GFPT1: variants seen among roughly 807,000 people sequenced by gnomAD.
The protein encoded by GFPT1 is glutamine--fructose-6-phosphate transaminase 1.
GFPT1 carries 40 observed loss-of-function variants against 92.0 expected under a neutral mutation model. That is an observed-to-expected ratio of 0.43 (90% confidence interval 0.34 to 0.57). The LOEUF is 0.57. Among genes scored for constraint, GFPT1 ranks in the 20% least tolerant of loss-of-function variants. The pLI is 0.02. For missense variants in GFPT1, 448 were observed against 869.1 expected, an observed-to-expected ratio of 0.52 and a Z score of 6.09; for synonymous variants, 269 against 280.6, an observed-to-expected ratio of 0.96 and a Z score of 0.41.
intron 18 of GFPT1, among the ~76,000 whole-genome samples, 175 bp downstream of exon 18, chr2:69,328,096 A>G (rs1054908997): frequency 4.1e-5 from 1 of 24,672 alleles, no homozygotes; most frequent in Non-Finnish European, 8.0e-5. Context: ...CTCCATCTCA[A>G]AAAAAAAAAA....
chr2:69,354,235 ATCC>A, intron 9 of GFPT1, 21 bp downstream of exon 9: 2 of 1,517,812 alleles, frequency 1.3e-6, no homozygotes, highest in South Asian at 2.3e-5. Flanking sequence ...GATCCTCCCC[ATCC>A]ATGCAGAGTG....
intron 15 of GFPT1, among the ~76,000 whole-genome samples, chr2:69,336,473 T>C (rs1435692406): frequency 2.0e-5 from 3 of 152,110 alleles, no homozygotes; most frequent in South Asian, 4.1e-4. Flanking sequence ...CACATTAACA[T>C]TGTCTTTCAC....
intron 15 of GFPT1, among the ~76,000 whole-genome samples, chr2:69,335,012 TA>T (rs1431794421): frequency 6.6e-6 from 1 of 152,072 alleles, no homozygotes; most frequent in African/African-American, 2.4e-5. Context: ...GTAAAATTTT[TA>T]TTTTTTTTTT....
At chr2:69,378,770 T>G (rs1484625720) in intron 1 of GFPT1, among the ~76,000 whole-genome samples, 2 of 152,224 alleles carry the variant, frequency 1.3e-5, no homozygotes, top group South Asian at 4.1e-4. Flanking sequence ...TTTTTATATA[T>G]TTTATCATTT....
At chr2:69,357,714 T>C (rs967899988) in intron 6 of GFPT1, among the ~76,000 whole-genome samples, 4 of 152,224 alleles carry the variant, frequency 2.6e-5, no homozygotes, top group Non-Finnish European at 5.9e-5. Flanking sequence ...TAGGTATCAC[T>C]ATGGATTTGG....
intron 2 of GFPT1, among the ~76,000 whole-genome samples, chr2:69,372,198 C>CA (rs534920006): frequency 0.094 from 4,914 of 52,096 alleles, 169 homozygotes; most frequent in Non-Finnish European, 0.12. Context: ...GACTCCATCT[C>CA]AAAAAAAAAA....
Position 69,328,264 on chromosome 2 carries a change from G to T in GFPT1, c.1893+7C>A. 1 of 1,611,200 alleles carries T rather than the reference G, an allele frequency of 6.2e-7. No homozygotes were observed. Among genetic ancestry groups the T allele is most frequent in the South Asian group, 1.1e-5 (1 of 90,972 alleles). The stretch of plus-strand genomic sequence containing the variant: ...CCCCAAGGTGTTCTCACAGTCCCCC[G>T]ACTTACCTGCCGAGCAACCACTTGC... On this transcript the variant is annotated splice_region_variant and intron_variant, in intron 18 of 19. Transcript: ENST00000357308.
At chr2:69,363,432 T>C in intron 4 of GFPT1, 113 bp downstream of exon 4, 7 of 1,157,652 alleles carry the variant, frequency 6.0e-6, no homozygotes, top group Middle Eastern at 2.0e-4. Context: ...TTCTGAATGT[T>C]TGAAATTTTC....
rs763732621 is a variant in GFPT1, at chr2:69,341,912, T to C, written c.1203+240A>G. 5.9e-5 allele frequency among the ~76,000 whole-genome samples: 9 copies of C among 152,184 alleles called. No individual in the cohort carries two copies. In the South Asian group the frequency reaches 8.3e-4, roughly 14 times the overall value. ...CACAAACTCTCCCCCTCTTGGCCTT[T>C]CATGAAGTCCGTTGCAGGAGGTCTA... is the stretch of plus-strand genomic sequence containing the variant. On this transcript the variant is annotated intron_variant, in intron 13 of 19. Coordinates refer to ENST00000357308, the MANE Select transcript of GFPT1 (RefSeq NM_001244710.2).
At chr2:69,348,470 A>G in intron 10 of GFPT1, 136 bp from the exon 11 acceptor site, 1 of 752,456 alleles carries the variant, frequency 1.3e-6, no homozygotes, top group Non-Finnish European at 2.3e-6. Context: ...TTTTCTGGTT[A>G]CTAATGCCAA....
chr2:69,354,626 CAT>C, intron 7 of GFPT1, 58 bp from the exon 8 acceptor site: 2 of 996,450 alleles, frequency 2.0e-6, no homozygotes, highest in Admixed American at 3.4e-5. Flanking sequence ...GGACTAATGA[CAT>C]AAAATTTAAT....
Position 69,370,114 on chromosome 2 carries a change from C to G in GFPT1, c.116-6G>C, listed in dbSNP as rs762154144. On this transcript the variant is annotated splice_polypyrimidine_tract_variant and splice_region_variant and intron_variant, in intron 2 of 19. Transcript: ENST00000357308. ...GCCTCCATCAAATCCCACACCTAAA[C>G]CATCATGAGGTAAAAAAGCAAAATT... 1.1e-5 allele frequency: 17 copies of G among 1,579,924 alleles called. No individual in the cohort carries two copies. In the South Asian group the frequency reaches 1.4e-4, roughly 13 times the overall value.
intron 8 of GFPT1, 44 bp downstream of exon 8, chr2:69,354,445 A>C (rs1429275204): frequency 2.2e-6 from 3 of 1,335,806 alleles, no homozygotes; most frequent in South Asian, 2.3e-5. Flanking sequence ...TAAGGAAAAT[A>C]ATTCTTCATA....
intron 15 of GFPT1, among the ~76,000 whole-genome samples, chr2:69,331,917 CTCA>C (rs1487311928): frequency 2.0e-5 from 3 of 152,016 alleles, no homozygotes; most frequent in Non-Finnish European, 2.9e-5. Context: ...AATATTTTTT[CTCA>C]TCGTGGACTG....
intron 14 of GFPT1, 113 bp downstream of exon 14, chr2:69,338,332 G>T (rs531887391): frequency 1.1e-6 from 1 of 901,384 alleles, no homozygotes; most frequent in Non-Finnish European, 1.8e-6. Flanking sequence ...ATCTGTATTC[G>T]TCAAGTCATC....
At chr2:69,367,679 A>G (rs945481830) in intron 3 of GFPT1, among the ~76,000 whole-genome samples, 3 of 152,074 alleles carry the variant, frequency 2.0e-5, no homozygotes, top group African/African-American at 7.2e-5. Context: ...TTATTATATC[A>G]TCCCATTCCC....
intron 12 of GFPT1, among the ~76,000 whole-genome samples, chr2:69,343,532 T>G (rs1224519499): frequency 1.3e-5 from 2 of 151,866 alleles, no homozygotes; most frequent in Admixed American, 6.6e-5. Flanking sequence ...AGCCTTGGCC[T>G]CCTTAGTAGC....
At position 69,348,340 on chromosome 2, in the gene GFPT1, A is replaced by C. The variant is rs1207288980; in HGVS notation, c.846-6T>G. The C allele has an allele frequency of 1.9e-6, 3 of 1,605,254 alleles. No homozygotes were observed. In the South Asian group the frequency reaches 3.3e-5, roughly 18 times the overall value. On this transcript the variant is annotated splice_region_variant and splice_polypyrimidine_tract_variant and intron_variant, in intron 10 of 19. Coordinates refer to ENST00000357308, the MANE Select transcript of GFPT1 (RefSeq NM_001244710.2). ...TGGTGTGTTCTATGACAGCACTATAAAGTTTTCAAGGAGATATTACAATCG... is the reference window on the plus strand; with the variant it reads ...TGGTGTGTTCTATGACAGCACTATACAGTTTTCAAGGAGATATTACAATCG...
Position 69,326,135 on chromosome 2 carries a change from A to G in GFPT1, c.*54T>C. 1 of 1,140,864 alleles carries G rather than the reference A, an allele frequency of 8.8e-7. No individual in the cohort carries two copies. Among genetic ancestry groups the G allele is most frequent in the Non-Finnish European group, 1.3e-6 (1 of 756,912 alleles). 70.7% of individuals were successfully genotyped at this position (1,140,864 alleles called of 1,614,324 possible). ...TTTAAATCAAGGTTTTAAATACAAA[A>G]GGTGTCTTGTGTTGCTTAATCATAC... On this transcript the variant is annotated 3_prime_UTR_variant, in exon 20 of 20. Transcript: ENST00000357308.
Sources: allele counts gnomAD v4.1 joint callset (sites outside exome capture counted in the v4.1 genomes callset), GRCh38; gene constraint gnomAD v4.1.1; transcripts MANE v1.5; gene names NCBI Gene and HGNC (gene_info 2026-07-23, HGNC 2026-07-21).